The following PKD2 variants were observed in gnomAD, a reference collection of about 807,000 sequenced individuals.
PKD2 encodes polycystin-2.
PKD2 carries 48 observed loss-of-function variants against 105.9 expected under a neutral mutation model. The observed-to-expected ratio is 0.45, with a 90% confidence interval of 0.36 to 0.58. The LOEUF (loss-of-function observed/expected upper bound fraction) is 0.58, where lower values mean the gene tolerates loss of function less well. Among genes scored for constraint, PKD2 ranks in the 20% least tolerant of loss-of-function variants. The pLI, the probability that PKD2 is intolerant of heterozygous loss-of-function variation, is 0.00. For synonymous variants in PKD2, 464 were observed against 481.1 expected (o/e 0.96, Z 0.46); for missense variants, 1,078 against 1,255.3 (o/e 0.86, Z 2.13).
intron 2 of PKD2, among the ~76,000 whole-genome samples, chr4:88,027,380 A>G (rs945876493): frequency 1.3e-5 from 2 of 152,204 alleles, no homozygotes; most frequent in Non-Finnish European, 2.9e-5. Flanking sequence ...TCAGACTTGA[A>G]TGGGGCCTGT....
intron 1 of PKD2, among the ~76,000 whole-genome samples, chr4:88,014,201 A>G (rs1726483519): frequency 6.6e-6 from 1 of 152,264 alleles, no homozygotes; most frequent in African/African-American, 2.4e-5. Context: ...AATTTCTGGC[A>G]TGGTACCATT....
intron 2 of PKD2, 192 bp from the exon 3 acceptor site, chr4:88,036,028 T>A: frequency 1.3e-6 from 1 of 791,620 alleles, no homozygotes; most frequent in South Asian, 1.6e-5. Context: ...TACGTATTTC[T>A]TTTATAAGCC....
chr4:88,046,935 A>C lies in PKD2; in HGVS notation c.1548+65A>C, dbSNP rs1029501022. The stretch of plus-strand genomic sequence containing the variant: ...ACAAGCATGTTAACTAGAGTCTTTG[A>C]TCTCCTCAGCATTGTGGATCTTGAT... On this transcript the variant is annotated intron_variant, in intron 6 of 14. Transcript: ENST00000237596. 5 of 921,812 alleles carry C rather than the reference A, an allele frequency of 5.4e-6. No homozygotes were observed. In the African/African-American group the frequency reaches 8.1e-5, roughly 15 times the overall value. 57.1% of individuals were successfully genotyped at this position (921,812 alleles called of 1,614,324 possible).
At chr4:88,046,961 A>G in intron 6 of PKD2, 91 bp downstream of exon 6, 4 of 815,138 alleles carry the variant, frequency 4.9e-6, no homozygotes, top group South Asian at 2.8e-5. Context: ...GGATCTTGAT[A>G]TTCCCAAAAA....
Position 88,021,887 on chromosome 4 carries a change from G to A in PKD2, c.709+2316G>A, listed in dbSNP as rs150967745. Among the ~76,000 whole-genome samples the A allele has an allele frequency of 2.4e-3, 372 of 152,296 alleles. 3 individuals carry two copies. The highest frequency in any genetic ancestry group is 8.6e-3 in the African/African-American group (357 of 41,546). On this transcript the variant is annotated intron_variant, in intron 2 of 14. Transcript: ENST00000237596. ...AGGTTAAGCCTTTCCAGTTCATCCA[G>A]CTGTTGATTATGTGATTGGAGACAC...
chr4:88,043,987 A>G (rs1333461201), intron 5 of PKD2, among the ~76,000 whole-genome samples: 3 of 152,186 alleles, frequency 2.0e-5, no homozygotes, highest in African/African-American at 7.2e-5. Context: ...TGTTGCCATG[A>G]TGACCCCTCT....
chr4:88,011,836 A>G (rs981777065), intron 1 of PKD2, among the ~76,000 whole-genome samples: 4 of 132,858 alleles, frequency 3.0e-5, no homozygotes, highest in African/African-American at 1.2e-4. Flanking sequence ...TTGAGGCTTC[A>G]GAACTTAGTC....
chr4:88,023,730 G>T (rs1726849757), intron 2 of PKD2, among the ~76,000 whole-genome samples: 1 of 152,202 alleles, frequency 6.6e-6, no homozygotes, highest in Admixed American at 6.5e-5. Context: ...TACATGAAAA[G>T]ATCCTAGGAT....
chr4:88,013,755 G>C (rs1171851757), intron 1 of PKD2, among the ~76,000 whole-genome samples: 1 of 151,728 alleles, frequency 6.6e-6, no homozygotes, highest in Admixed American at 6.6e-5. Context: ...AGAGGTCAGA[G>C]AAGGTTTCCA....
At chr4:88,042,020 G>A (rs113914017) in intron 4 of PKD2, among the ~76,000 whole-genome samples, 227 of 152,290 alleles carry the variant, frequency 1.5e-3, no homozygotes, top group African/African-American at 5.2e-3. Flanking sequence ...TTCACAAGCT[G>A]ACCACAGACC....
chr4:88,051,192 A>AAT (rs897379312), intron 6 of PKD2, among the ~76,000 whole-genome samples: 7 of 151,736 alleles, frequency 4.6e-5, no homozygotes, highest in Non-Finnish European at 8.8e-5. Context: ...AAGGGACAGA[A>AAT]ATGAGCAAGA....
chr4:88,041,631 G>A (rs1727567807), intron 4 of PKD2, among the ~76,000 whole-genome samples: 1 of 152,158 alleles, frequency 6.6e-6, no homozygotes, highest in African/African-American at 2.4e-5. Flanking sequence ...TCAGTGCCTG[G>A]GGTGTTCACT....
At chr4:88,067,854 G>T (rs780638439) in intron 12 of PKD2, 44 bp from the exon 13 acceptor site, 1 of 1,581,444 alleles carries the variant, frequency 6.3e-7, no homozygotes, top group Non-Finnish European at 8.7e-7. Context: ...CTTCTGTGGG[G>T]TCTCAGTGTT....
chr4:88,045,631 T>C (rs754241629), intron 5 of PKD2, among the ~76,000 whole-genome samples: 4 of 152,182 alleles, frequency 2.6e-5, no homozygotes, highest in Non-Finnish European at 5.9e-5. Context: ...TCACCCAGCT[T>C]TCTCAGTGTG....
At chr4:88,032,841 T>C (rs775006206) in intron 2 of PKD2, among the ~76,000 whole-genome samples, 1 of 152,216 alleles carries the variant, frequency 6.6e-6, no homozygotes, top group Non-Finnish European at 1.5e-5. Context: ...GCCCTTAGTA[T>C]TATTCTCATT....
intron 6 of PKD2, among the ~76,000 whole-genome samples, chr4:88,049,794 A>G (rs910283716): frequency 1.3e-5 from 2 of 151,970 alleles, no homozygotes; most frequent in African/African-American, 2.4e-5. Context: ...AATTTTCTTT[A>G]TTTTCCTTTT....
chr4:88,017,160 C>T (rs1217435277), intron 1 of PKD2, among the ~76,000 whole-genome samples: 2 of 151,870 alleles, frequency 1.3e-5, no homozygotes, highest in African/African-American at 4.8e-5. Flanking sequence ...CTCATCTCTG[C>T]AAAAAATCAA....
intron 5 of PKD2, among the ~76,000 whole-genome samples, chr4:88,046,333 A>G (rs1055011895): frequency 5.3e-5 from 8 of 152,142 alleles, no homozygotes; most frequent in Non-Finnish European, 1.0e-4. Context: ...TTGTGTGTTG[A>G]TTTACTTTTA....
chr4:88,042,289 AAG>A (rs886265387), intron 4 of PKD2, among the ~76,000 whole-genome samples: 31 of 152,346 alleles, frequency 2.0e-4, no homozygotes, highest in African/African-American at 7.2e-4. Flanking sequence ...GCAGCAGGCA[AAG>A]AGAGAGAGCT....
Sources: gnomAD v4.1 joint callset for allele counts (sites outside exome capture counted in the v4.1 genomes callset) on GRCh38, gnomAD v4.1.1 for gene constraint, MANE v1.5 for transcripts, NCBI Gene and HGNC (gene_info 2026-07-23, HGNC 2026-07-21) for gene names.